The following ZNF641 variants were observed in gnomAD, a reference collection of about 807,000 sequenced individuals.
ZNF641 encodes the protein zinc finger protein 641.
Under a neutral mutation model 46.2 loss-of-function variants are expected in ZNF641, and 26 were observed. That is an observed-to-expected ratio of 0.56 (90% confidence interval 0.41 to 0.78). The LOEUF is 0.78. Among genes scored for constraint, ZNF641 ranks in the 30% least tolerant of loss-of-function variants. The pLI is 0.00. For missense variants in ZNF641, 469 were observed against 517.8 expected, an observed-to-expected ratio of 0.91 and a Z score of 0.91; for synonymous variants, 163 against 187.9, an observed-to-expected ratio of 0.87 and a Z score of 1.09.
Position 48,340,006 on chromosome 12 carries a change from T to TG in ZNF641, c.*2966dup, listed in dbSNP as rs1491406666. The TG allele has an allele frequency of 2.8e-5, 28 of 985,348 alleles. No individual in the cohort carries two copies. Among genetic ancestry groups the TG allele is most frequent in the Non-Finnish European group, 3.3e-5 (27 of 829,942 alleles). 61.0% of individuals were successfully genotyped at this position (985,348 alleles called of 1,614,324 possible). A position where few individuals can be genotyped will look rare whatever the true frequency, so the allele number is the denominator to read the frequency against. On this transcript the variant is annotated 3_prime_UTR_variant, in exon 6 of 6. Coordinates refer to ENST00000547026, the MANE Select transcript of ZNF641 (RefSeq NM_001172681.2). ...GACAGGTTCCTGAAGATGATATCCC[T>TG]GTTTTACATTTTGCCCAAAGAGAAC...
chr12:48,350,952 C>T (rs865860964), upstream of ZNF641: 332 of 722,384 alleles, frequency 4.6e-4, 4 homozygotes, highest in African/African-American at 6.1e-3. Flanking sequence ...AGGAAATCCC[C>T]GCCCGCTTCC....
chr12:48,341,864 C>T lies in ZNF641; in HGVS notation c.*1109G>A, dbSNP rs113804792. 3,185 of 985,432 alleles carry T rather than the reference C, an allele frequency of 3.2e-3. 16 individuals are homozygous for T. The highest frequency in any genetic ancestry group is 0.021 in the Middle Eastern group (40 of 1,914). The allele number at this position is 985,432 out of a possible 1,614,324, so 61.0% of individuals were successfully genotyped here. ...CTTAATCTCAGCAGTACTGGGAAAG[C>T]TTTGTACTCAACTTAACCTGTCATT... On this transcript the variant is annotated 3_prime_UTR_variant, in exon 6 of 6. Transcript: ENST00000547026.
chr12:48,344,899 A>G (rs1952825916), intron 4 of ZNF641, 187 bp from the exon 5 acceptor site: 1 of 554,570 alleles, frequency 1.8e-6, no homozygotes, highest in Admixed American at 3.4e-5. Flanking sequence ...TTCTCTGCCT[A>G]GAAAATCACT....
chr12:48,349,456 A>G (rs1446194092), intron 1 of ZNF641, among the ~76,000 whole-genome samples: 1 of 152,228 alleles, frequency 6.6e-6, no homozygotes. Context: ...GCTTACTTAC[A>G]TCCTTTCAAT....
chr12:48,348,196 AG>A, intron 1 of ZNF641, 81 bp from the exon 2 acceptor site: 2 of 1,413,904 alleles, frequency 1.4e-6, no homozygotes, highest in Non-Finnish European at 2.0e-6. Flanking sequence ...GAACAGGCCC[AG>A]GGATAATAGA....
downstream of ZNF641, among the ~76,000 whole-genome samples, chr12:48,336,076 G>C (rs1952602384): frequency 6.6e-6 from 1 of 152,108 alleles, no homozygotes; most frequent in South Asian, 2.1e-4. Flanking sequence ...ACATGAAAAG[G>C]TCCAATTTAG....
chr12:48,344,936 C>T (rs1428240719), intron 4 of ZNF641, among the ~76,000 whole-genome samples: 2 of 152,020 alleles, frequency 1.3e-5, no homozygotes, highest in East Asian at 1.9e-4. Context: ...CTGTTTTCTT[C>T]CACTCAGATA....
At chr12:48,346,563 A>G (rs535803755) in intron 3 of ZNF641, among the ~76,000 whole-genome samples, 3 of 152,182 alleles carry the variant, frequency 2.0e-5, no homozygotes, top group Non-Finnish European at 2.9e-5. Flanking sequence ...TTTTCCATAA[A>G]TGCTCCCTCA....
chr12:48,348,164 A>G, intron 1 of ZNF641, 49 bp from the exon 2 acceptor site: 1 of 1,590,650 alleles, frequency 6.3e-7, no homozygotes. Context: ...GAAAGGAGTG[A>G]TATTTCTAAG....
Position 48,341,325 on chromosome 12 carries a change from C to T in ZNF641, c.*1648G>A, listed in dbSNP as rs765011354. On this transcript the variant is annotated 3_prime_UTR_variant, in exon 6 of 6. Transcript: ENST00000547026. ...CTTTGCTCCTCTTCCTCCCTAACCC[C>T]GAACTGCTCTTACATACAAGATAAT... is the stretch of plus-strand genomic sequence containing the variant. 3.0e-5 allele frequency: 30 copies of T among 985,252 alleles called. No homozygotes were observed. Among genetic ancestry groups the T allele is most frequent in the East Asian group, 1.1e-4 (1 of 8,830 alleles). The allele number at this position is 985,252 out of a possible 1,614,324, so 61.0% of individuals were successfully genotyped here.
chr12:48,350,416 C>A (rs2732439), intron 1 of ZNF641: 138,134 of 307,608 alleles, frequency 0.45, 35,082 homozygotes, highest in Non-Finnish European at 0.55. Context: ...GTCACAGTGC[C>A]CCTGGAAAGG....
rs576182080 is a variant in ZNF641 at position 48,347,044 on chromosome 12, C to T, written c.276+208G>A. 45 of 945,026 alleles carry T rather than the reference C, an allele frequency of 4.8e-5. No homozygotes were observed. In the East Asian group the frequency reaches 1.2e-3, roughly 26 times the overall value. 58.5% of individuals were successfully genotyped at this position (945,026 alleles called of 1,614,324 possible). A position where few individuals can be genotyped will look rare whatever the true frequency, so the allele number is the denominator to read the frequency against. Reference sequence around the variant, plus strand: ...AAAACAAAACAAAACTCAAAAAAACCCTAACCTCAAGGAATTCCCTTTCTT... The same window carrying T: ...AAAACAAAACAAAACTCAAAAAAACTCTAACCTCAAGGAATTCCCTTTCTT... On this transcript the variant is annotated intron_variant, in intron 3 of 5. Transcript: ENST00000547026.
At chr12:48,335,549 A>G, downstream of ZNF641, among the ~76,000 whole-genome samples, 1 of 152,258 alleles carries the variant, frequency 6.6e-6, no homozygotes. Context: ...AGTAGCAGAC[A>G]TGAGAGACCC....
chr12:48,344,519 G>C, intron 5 of ZNF641, 80 bp downstream of exon 5: 1 of 901,036 alleles, frequency 1.1e-6, no homozygotes, highest in Non-Finnish European at 1.8e-6. Context: ...CTCTGAGGCA[G>C]AGGAGGGATT....
At position 48,343,291 on chromosome 12, in the gene ZNF641, G is replaced by A; in HGVS notation, c.957C>T (p.Ser319=). 8 of 1,614,228 alleles carry A rather than the reference G, an allele frequency of 5.0e-6. No homozygotes were observed. The highest frequency in any genetic ancestry group is 5.9e-6 in the Non-Finnish European group (7 of 1,180,050). ...GCACTCTCTGGTGGCTGGCCAGATG[G>A]GAGTTGCATCGGAAATTCTTACCAC... is the stretch of plus-strand genomic sequence containing the variant. ...SECGKNFRCN[S]HLASHQRVHA... is the part of the protein sequence containing the mutation. Residue 319 remains serine, a synonymous_variant, in exon 6 of 6, where the codon TCC becomes TCT. Coordinates refer to ENST00000547026, the MANE Select transcript of ZNF641 (RefSeq NM_001172681.2).
At position 48,347,265 on chromosome 12, in the gene ZNF641, G is replaced by C. The variant is rs907932052; in HGVS notation, c.263C>G (p.Ala88Gly). The stretch of plus-strand genomic sequence containing the variant: ...AGCAGAGCTCACCTGTGATCCAGCC[G>C]CAAGAAGTGCAGCTGCCATCTCCCA... ...GDWEMAAALL[A>G]AGSQGLVTIK... is the part of the protein sequence containing the mutation. Residue 88 changes from alanine (A) to glycine (G), a missense_variant, in exon 3 of 6, where the codon GCG becomes GGG. By Grantham distance (60) the Ala-to-Gly change is moderately conservative. This residue lies in a region of ZNF641 where 98 missense variants were observed against 105.7 expected (regional missense o/e 0.93). Transcript: ENST00000547026. 1 of 1,613,824 alleles carries C rather than the reference G, an allele frequency of 6.2e-7. No homozygotes were observed. The highest frequency in any genetic ancestry group is 8.5e-7 in the Non-Finnish European group (1 of 1,179,868).
At chr12:48,351,007 GT>G, upstream of ZNF641, 1 of 173,286 alleles carries the variant, frequency 5.8e-6, no homozygotes, top group African/African-American at 2.5e-5. Context: ...AGGGAGAGGA[GT>G]GGGAGGGAGA....
At chr12:48,335,645 A>G (rs1952598968), downstream of ZNF641, among the ~76,000 whole-genome samples, 3 of 152,236 alleles carry the variant, frequency 2.0e-5, no homozygotes, top group South Asian at 4.1e-4. Context: ...CCGATGAAAT[A>G]TAAGAAATGA....
chr12:48,338,946 G>C lies in ZNF641; in HGVS notation c.*4027C>G, dbSNP rs1952660921. 6.6e-6 allele frequency: 1 copy of C among 152,186 alleles called. No homozygotes were observed. 9.4% of individuals were successfully genotyped at this position (152,186 alleles called of 1,614,324 possible). ...TCTTATTAGAAGAGCCAGTGAAAAG[G>C]ACAAGGCAAAGGAGAATCATTTCCT... is the stretch of plus-strand genomic sequence containing the variant. On this transcript the variant is annotated 3_prime_UTR_variant, in exon 6 of 6. Coordinates refer to ENST00000547026, the MANE Select transcript of ZNF641 (RefSeq NM_001172681.2).
Sources: allele counts gnomAD v4.1 joint callset (sites outside exome capture counted in the v4.1 genomes callset), GRCh38; gene constraint gnomAD v4.1.1; regional missense constraint gnomAD v4.1.1; transcripts MANE v1.5; gene names NCBI Gene and HGNC (gene_info 2026-07-23, HGNC 2026-07-21).